GAPVD1: variants seen among roughly 807,000 people sequenced by gnomAD.
GAPVD1 encodes the protein GTPase-activating protein and VPS9 domain-containing protein 1.
GAPVD1 carries 35 observed loss-of-function variants against 155.5 expected under a neutral mutation model. The observed-to-expected ratio is 0.23, with a 90% CI of 0.17 to 0.30. GAPVD1 has a LOEUF of 0.30. Ranked by LOEUF, GAPVD1 falls within the 10% of genes least tolerant of loss-of-function variation. GAPVD1 has a pLI of 1.00. For missense variants in GAPVD1, 1,429 were observed against 1,775.7 expected (o/e 0.80, Z 3.51); for synonymous variants, 636 against 619.7 (o/e 1.03, Z -0.39).
At chr9:125,349,329 T>C in intron 20 of GAPVD1, 61 bp from the exon 21 acceptor site, 1 of 1,434,666 alleles carries the variant, frequency 7.0e-7, no homozygotes. Flanking sequence ...GAATACCTAC[T>C]AGTGCCATAA....
At chr9:125,310,836 C>T (rs1345361707) in intron 8 of GAPVD1, among the ~76,000 whole-genome samples, 1 of 149,430 alleles carries the variant, frequency 6.7e-6, no homozygotes, top group Non-Finnish European at 1.5e-5. Context: ...CCGCGCCCAG[C>T]CTTCTTCTTT....
chr9:125,306,530 G>A (rs1841844448), intron 6 of GAPVD1, among the ~76,000 whole-genome samples: 1 of 151,562 alleles, frequency 6.6e-6, no homozygotes, highest in African/African-American at 2.4e-5. Context: ...TTTGAGACAG[G>A]GTCTCACTTT....
rs1847154125 is a variant in GAPVD1, at chr9:125,337,160, G to A, written c.2507-61G>A. ...CAGGAGGAGGAAACCAAATCCCCTT[G>A]TTAATGCCTTTGTTAGATATGTTGT... On this transcript the variant is annotated intron_variant, in intron 16 of 27. Transcript: ENST00000297933. 22 of 1,605,926 alleles carry A rather than the reference G, an allele frequency of 1.4e-5. No homozygotes were observed. The South Asian group carries it at 1.7e-4, about 12-fold the overall frequency.
chr9:125,273,002 C>G (rs1298425265), intron 2 of GAPVD1, among the ~76,000 whole-genome samples: 1 of 152,174 alleles, frequency 6.6e-6, no homozygotes, highest in African/African-American at 2.4e-5. Flanking sequence ...GGAACCAAAG[C>G]TTCCTCAAAG....
At chr9:125,303,348 A>T (rs971056203) in intron 5 of GAPVD1, among the ~76,000 whole-genome samples, 2 of 151,288 alleles carry the variant, frequency 1.3e-5, no homozygotes, top group African/African-American at 4.8e-5. Context: ...TGATTAGCTC[A>T]AGCTGGGTGT....
chr9:125,350,331 T>C lies in GAPVD1; in HGVS notation c.3336T>C (p.Ser1112=). The change falls in exon 22 of 28, where the codon TCT becomes TCC. Residue 1112 remains serine (S), a synonymous_variant. Coordinates refer to ENST00000297933, the MANE Select transcript of GAPVD1 (RefSeq NM_001282680.3). ...AGAAACTGAGGCTTGCTCTTTGCTC[T>C]GCGGACTCTGTTGCCTTCCCAGTGC... The part of the protein sequence containing the change: ...AKKKLRLALC[S]ADSVAFPVLT... 1 of 1,593,034 alleles carries C rather than the reference T, an allele frequency of 6.3e-7. No individual in the cohort carries two copies.
At chr9:125,287,967 T>G (rs879659621) in intron 2 of GAPVD1, 2 of 152,148 alleles carry the variant, frequency 1.3e-5, no homozygotes, top group Admixed American at 1.3e-4. Flanking sequence ...CTCGAACTCC[T>G]GACCTCAAGT....
chr9:125,311,724 C>CT (rs71374251), intron 8 of GAPVD1, among the ~76,000 whole-genome samples: 64 of 144,872 alleles, frequency 4.4e-4, no homozygotes, highest in Non-Finnish European at 5.9e-4. Context: ...TTTATTGTTT[C>CT]TTTTTTTTTT....
At chr9:125,334,042 G>A (rs1047443588) in intron 15 of GAPVD1, among the ~76,000 whole-genome samples, 1 of 152,142 alleles carries the variant, frequency 6.6e-6, no homozygotes, top group African/African-American at 2.4e-5. Context: ...AAGAACCACT[G>A]TTCTAAACCA....
intron 8 of GAPVD1, chr9:125,310,114 A>G: frequency 4.2e-6 from 1 of 240,062 alleles, no homozygotes. Flanking sequence ...GTAAATTGCT[A>G]CATAAAATTT....
intron 6 of GAPVD1, among the ~76,000 whole-genome samples, chr9:125,305,451 C>T (rs981051685): frequency 2.0e-5 from 3 of 148,854 alleles, no homozygotes; most frequent in African/African-American, 7.5e-5. Flanking sequence ...TGGCTCACTG[C>T]AACCTCTGCC....
chr9:125,356,979 T>C (rs1024613836), intron 25 of GAPVD1, among the ~76,000 whole-genome samples: 1 of 152,130 alleles, frequency 6.6e-6, no homozygotes, highest in Non-Finnish European at 1.5e-5. Context: ...TCAGCCTTGT[T>C]TATTTTTTGT....
chr9:125,330,944 G>A (rs950078722), intron 13 of GAPVD1, among the ~76,000 whole-genome samples: 1 of 151,566 alleles, frequency 6.6e-6, no homozygotes, highest in African/African-American at 2.4e-5. Flanking sequence ...TGCTTAATGT[G>A]TTTTTGAAAT....
Position 125,307,813 on chromosome 9 carries a change from T to G in GAPVD1, c.1374T>G (p.Thr458=). Residue 458 remains threonine (T), a synonymous_variant, in exon 8 of 28, where the codon ACT becomes ACG. Transcript: ENST00000297933. ...KPGKSSSLEM[T]PYNTPQLSPA... ...GAAAAAGTAGCAGTTTAGAAATGAC[T>G]CCCTACAATACACCTCAGCTATCTC... The G allele has an allele frequency of 6.2e-7, 1 of 1,613,424 alleles. No homozygotes were observed. The highest frequency in any genetic ancestry group is 8.5e-7 in the Non-Finnish European group (1 of 1,179,396).
chr9:125,264,297 C>T (rs1229382939), intron 1 of GAPVD1, among the ~76,000 whole-genome samples: 6 of 152,060 alleles, frequency 3.9e-5, no homozygotes, highest in East Asian at 1.9e-4. Context: ...TGGGTTCAAG[C>T]GATTCTTGTG....
intron 9 of GAPVD1, among the ~76,000 whole-genome samples, chr9:125,319,377 A>C (rs1055432435): frequency 6.7e-6 from 1 of 148,462 alleles, no homozygotes; most frequent in African/African-American, 2.5e-5. Context: ...CATCTTAAAA[A>C]AATTTTTTTT....
chr9:125,265,535 C>T (rs1292216809), intron 1 of GAPVD1, among the ~76,000 whole-genome samples: 2 of 151,286 alleles, frequency 1.3e-5, no homozygotes, highest in Non-Finnish European at 2.9e-5. Flanking sequence ...CTCAGTCTCC[C>T]TCCTGGGCTG....
At chr9:125,326,116 A>G (rs1353381073) in intron 11 of GAPVD1, among the ~76,000 whole-genome samples, 2 of 152,240 alleles carry the variant, frequency 1.3e-5, no homozygotes, top group African/African-American at 4.8e-5. Context: ...TGGAGGAGGA[A>G]CTTTCATATG....
chr9:125,332,193 C>A, intron 14 of GAPVD1, 133 bp downstream of exon 14: 1 of 876,770 alleles, frequency 1.1e-6, no homozygotes, highest in East Asian at 2.7e-5. Context: ...AACTTATTTC[C>A]ATTGCACCTG....
Sources: gnomAD v4.1 joint callset for allele counts (sites outside exome capture counted in the v4.1 genomes callset) on GRCh38, gnomAD v4.1.1 for gene constraint, MANE v1.5 for transcripts, NCBI Gene and HGNC (gene_info 2026-07-23, HGNC 2026-07-21) for gene names.